The following MRPL43 variants were observed in gnomAD, a reference collection of about 807,000 sequenced individuals.
MRPL43 encodes the protein large ribosomal subunit protein mL43.
MRPL43 carries 9 observed loss-of-function variants against 12.7 expected under a neutral mutation model. The observed-to-expected ratio is 0.71, with a 90% CI of 0.43 to 1.24. The LOEUF is 1.24. Ranked by LOEUF, MRPL43 falls within the 50% of genes most tolerant of loss-of-function variation. The pLI, the probability that MRPL43 is intolerant of heterozygous loss-of-function variation, is 0.00. For missense variants in MRPL43, 211 were observed against 229.2 expected, an observed-to-expected ratio of 0.92 and a Z score of 0.51; for synonymous variants, 116 against 96.4, an observed-to-expected ratio of 1.20 and a Z score of -1.19.
chr10:100,984,164 C>G (rs775434918), downstream of MRPL43: 1 of 1,576,076 alleles, frequency 6.3e-7, no homozygotes, highest in South Asian at 1.2e-5. Context: ...CTCTTCCAAG[C>G]CAGCCTATCT....
At chr10:100,983,313 C>T (rs1327563265), downstream of MRPL43, 2 of 1,544,494 alleles carry the variant, frequency 1.3e-6, no homozygotes, top group Admixed American at 1.9e-5. Flanking sequence ...AGGGCCACCA[C>T]CACCACTGAA....
chr10:100,979,506 C>A, downstream of MRPL43: 1 of 1,152,360 alleles, frequency 8.7e-7, no homozygotes, highest in Non-Finnish European at 1.2e-6. Flanking sequence ...CCTCGGCCTC[C>A]CGAGTAGCTG....
chr10:100,984,408 A>G, downstream of MRPL43: 2 of 1,460,446 alleles, frequency 1.4e-6, no homozygotes, highest in Non-Finnish European at 1.8e-6. Flanking sequence ...GCCAGTTCCT[A>G]TCCCCTAACC....
chr10:100,980,110 C>A (rs1405002213), downstream of MRPL43: 1 of 1,613,792 alleles, frequency 6.2e-7, no homozygotes, highest in Admixed American at 1.7e-5. Context: ...CCACCTTCGT[C>A]CCCCACGCCA....
chr10:100,983,528 C>T (rs764912089), downstream of MRPL43: 2 of 1,614,054 alleles, frequency 1.2e-6, no homozygotes, highest in Non-Finnish European at 1.7e-6. Flanking sequence ...AGGAAAATGG[C>T]CTCCGCACCC....
At chr10:100,984,670 T>C, downstream of MRPL43, 1 of 1,536,266 alleles carries the variant, frequency 6.5e-7, no homozygotes, top group Non-Finnish European at 8.7e-7. Flanking sequence ...CACCTTCTCC[T>C]GGTGCATTCT....
At chr10:100,984,184 T>G (rs1173041083), downstream of MRPL43, 67 of 1,548,338 alleles carry the variant, frequency 4.3e-5, no homozygotes, top group Non-Finnish European at 5.6e-5. Flanking sequence ...TGTCCCAGGC[T>G]GGGCCACTGC....
chr10:100,979,076 C>T (rs745796578), downstream of MRPL43: 20 of 1,613,362 alleles, frequency 1.2e-5, no homozygotes, highest in South Asian at 2.1e-4. Flanking sequence ...ACCCTGGCCC[C>T]TTATCCCGTG....
chr10:100,986,560 C>G lies in MRPL43; in HGVS notation c.*174G>C. ...TGAGTGGTTCACAAGGTCACTGCCC[C>G]CAGAAGCAGGCACTGGAAAGAAACA... On this transcript the variant is annotated 3_prime_UTR_variant, in exon 3 of 3. Coordinates refer to ENST00000318364, the MANE Select transcript of MRPL43 (RefSeq NM_032112.3). The G allele has an allele frequency of 6.4e-7, 1 of 1,569,134 alleles. No homozygotes were observed.
downstream of MRPL43, chr10:100,985,719 T>A (rs1209392164): frequency 6.6e-6 from 1 of 152,518 alleles, no homozygotes; most frequent in Non-Finnish European, 1.5e-5. Context: ...GGATTGGCTC[T>A]GCTCCCCAAT....
At chr10:100,980,278 C>T (rs752037569), downstream of MRPL43, 2 of 1,614,252 alleles carry the variant, frequency 1.2e-6, no homozygotes, top group Non-Finnish European at 1.7e-6. Context: ...ACGCTACACA[C>T]ACCTTACAGG....
At chr10:100,979,775 C>T, downstream of MRPL43, 3 of 1,574,848 alleles carry the variant, frequency 1.9e-6, no homozygotes, top group Admixed American at 3.4e-5. Flanking sequence ...CAGTGAGCTT[C>T]AGGCTGAGCA....
downstream of MRPL43, chr10:100,978,415 G>C (rs1850894616): frequency 6.2e-7 from 1 of 1,609,002 alleles, no homozygotes; most frequent in Non-Finnish European, 8.5e-7. Context: ...CCCTATCACA[G>C]ACATGGTATT....
chr10:100,984,177 C>A, downstream of MRPL43: 1 of 1,558,940 alleles, frequency 6.4e-7, no homozygotes, highest in South Asian at 1.2e-5. Flanking sequence ...GCCTATCTGT[C>A]CCAGGCTGGG....
downstream of MRPL43, chr10:100,985,564 T>A (rs11190781): frequency 0.085 from 13,021 of 152,604 alleles, 655 homozygotes; most frequent in African/African-American, 0.13. Flanking sequence ...GTGGGGAGCC[T>A]GGGCTCAGCT....
At chr10:100,983,369 C>T (rs768472015), downstream of MRPL43, 26 of 1,606,676 alleles carry the variant, frequency 1.6e-5, no homozygotes, top group Admixed American at 4.2e-4. Flanking sequence ...TGCCCTGTGA[C>T]CAGCCATCCA....
chr10:100,983,366 T>G (rs1384413039), downstream of MRPL43: 19 of 1,606,050 alleles, frequency 1.2e-5, no homozygotes, highest in African/African-American at 2.7e-5. Flanking sequence ...TCCTGCCCTG[T>G]GACCAGCCAT....
chr10:100,980,260 C>T (rs759518723), downstream of MRPL43: 38 of 1,614,116 alleles, frequency 2.4e-5, no homozygotes, highest in East Asian at 4.5e-5. Context: ...GCTGCTCAAG[C>T]GCAACATACG....
downstream of MRPL43, chr10:100,978,206 G>A (rs924762062): frequency 3.3e-5 from 30 of 900,862 alleles, no homozygotes; most frequent in African/African-American, 8.3e-5. Flanking sequence ...ATCCCTGATC[G>A]CTGATCCCTG....
Sources: gnomAD v4.1 joint callset for allele counts on GRCh38, gnomAD v4.1.1 for gene constraint, MANE v1.5 for transcripts, NCBI Gene and HGNC (gene_info 2026-07-23, HGNC 2026-07-21) for gene names.